IZUMO2: variants seen among roughly 807,000 people sequenced by gnomAD.
The protein encoded by IZUMO2 is izumo sperm-egg fusion protein 2.
Under a neutral mutation model 31.2 loss-of-function variants are expected in IZUMO2, and 24 were observed. That is an observed-to-expected ratio of 0.77 (90% confidence interval 0.56 to 1.08). IZUMO2 has a LOEUF of 1.08. Ranked by LOEUF, IZUMO2 falls within the 50% of genes least tolerant of loss-of-function variation. The pLI is 0.00. For synonymous variants in IZUMO2, 144 were observed against 117.3 expected, an observed-to-expected ratio of 1.23 and a Z score of -1.47; for missense variants, 278 against 274.0, an observed-to-expected ratio of 1.01 and a Z score of -0.10.
rs766330043 is a variant in IZUMO2 at position 50,159,543 on chromosome 19, C to A, written c.345G>T (p.Ala115=). The A allele has an allele frequency of 1.9e-6, 3 of 1,613,488 alleles. No homozygotes were observed. Among genetic ancestry groups the A allele is most frequent in the Non-Finnish European group, 2.5e-6 (3 of 1,179,612 alleles). Residue 115 remains alanine, a synonymous_variant, in exon 3 of 7, where the codon GCG becomes GCT. Transcript: ENST00000293405. ...CTTTCTTGAATTCCTTGATCACATT[C>A]GCCCTGAGGGTCACCAGCTCTTCCA... ...PLLEELVTLR[A]NVIKEFKKVL...
intron 4 of IZUMO2, among the ~76,000 whole-genome samples, chr19:50,158,879 T>G (rs7253240): frequency 2.6e-5 from 4 of 152,170 alleles, no homozygotes; most frequent in African/African-American, 9.6e-5. Context: ...AGCTGCCATG[T>G]GTGTATAGCC....
chr19:50,153,230 C>T (rs2030086283), intron 6 of IZUMO2, among the ~76,000 whole-genome samples: 2 of 152,136 alleles, frequency 1.3e-5, no homozygotes, highest in African/African-American at 4.8e-5. Flanking sequence ...CAGCAGCCAC[C>T]AGCAGCTAGG....
chr19:50,155,758 T>C (rs2030193808), intron 5 of IZUMO2, among the ~76,000 whole-genome samples: 1 of 152,186 alleles, frequency 6.6e-6, no homozygotes, highest in South Asian at 2.1e-4. Context: ...CGGCTCCCTC[T>C]GCTCAGTGTC....
At chr19:50,158,403 A>G (rs1427691434) in intron 4 of IZUMO2, 55 bp from the exon 5 acceptor site, 14 of 1,193,536 alleles carry the variant, frequency 1.2e-5, no homozygotes, top group East Asian at 2.4e-5. Flanking sequence ...AGGACCGGCA[A>G]GGGTGGAAAG....
Position 50,158,321 on chromosome 19 carries a change from C to T in IZUMO2, c.443G>A (p.Cys148Tyr), listed in dbSNP as rs1482924089. 2.5e-6 allele frequency: 4 copies of T among 1,611,506 alleles called. No homozygotes were observed. In the Admixed American group the frequency reaches 6.7e-5, roughly 27 times the overall value. ...GGGAGTGATCCTCTGGCAATGTAAA[C>T]AGTCCAACACCTCTTCTTTTAGCAA... ...CRLLKEEVLD[C>Y]LHCQRITPKC... Residue 148 changes from cysteine (C) to tyrosine (Y), a missense_variant, in exon 5 of 7, where the codon TGT (cysteine) becomes TAT (tyrosine). Cys to Tyr is a radical substitution (Grantham distance 194). Coordinates refer to ENST00000293405, the MANE Select transcript of IZUMO2 (RefSeq NM_152358.3).
chr19:50,159,844 CTCT>C (rs939277558), intron 2 of IZUMO2: 4 of 333,136 alleles, frequency 1.2e-5, no homozygotes, highest in African/African-American at 4.3e-5. Context: ...CTCTCTTCTC[CTCT>C]TCTTTTTTTT....
At chr19:50,153,602 G>A (rs1213724369) in intron 6 of IZUMO2, 2 of 152,202 alleles carry the variant, frequency 1.3e-5, no homozygotes, top group African/African-American at 4.8e-5. Context: ...AGGAGTTTGA[G>A]ACCAGCCTGG....
intron 2 of IZUMO2, among the ~76,000 whole-genome samples, chr19:50,161,530 C>G (rs1376160529): frequency 6.6e-6 from 1 of 152,158 alleles, no homozygotes; most frequent in Non-Finnish European, 1.5e-5. Context: ...ACTCTAAGAT[C>G]TCATCTTCCA....
chr19:50,154,731 G>C lies in IZUMO2; in HGVS notation c.497-5C>G, dbSNP rs750917578. 1 of 1,613,420 alleles carries C rather than the reference G, an allele frequency of 6.2e-7. No homozygotes were observed. The highest frequency in any genetic ancestry group is 1.1e-5 in the South Asian group (1 of 91,062). On this transcript the variant is annotated splice_region_variant and splice_polypyrimidine_tract_variant and intron_variant, in intron 5 of 6. Coordinates refer to ENST00000293405, the MANE Select transcript of IZUMO2 (RefSeq NM_152358.3). ...CCACGCGGGGTTGCCGGTCGACTGG[G>C]GCGGGTGGGGAAACAGCCCCGACCT...
intron 2 of IZUMO2, among the ~76,000 whole-genome samples, chr19:50,161,996 G>A (rs184749680): frequency 6.6e-6 from 1 of 152,222 alleles, no homozygotes; most frequent in East Asian, 1.9e-4. Flanking sequence ...AGAGTATCTT[G>A]GTTTGGCCAG....
intron 4 of IZUMO2, 24 bp from the exon 5 acceptor site, chr19:50,158,372 T>C: frequency 6.6e-7 from 1 of 1,507,780 alleles, no homozygotes; most frequent in Non-Finnish European, 9.2e-7. Context: ...AAGGGAGAAG[T>C]AAGACAAGGG....
In IZUMO2 at chr19:50,162,821, G is replaced by A. The variant is rs779147354; in HGVS notation, c.233-8C>T. The A allele has an allele frequency of 5.0e-6, 8 of 1,613,228 alleles. No individual in the cohort carries two copies. The highest frequency in any genetic ancestry group is 2.7e-5 in the African/African-American group (2 of 75,000). On this transcript the variant is annotated splice_region_variant and splice_polypyrimidine_tract_variant and intron_variant, in intron 1 of 6. Coordinates refer to ENST00000293405, the MANE Select transcript of IZUMO2 (RefSeq NM_152358.3). The stretch of plus-strand genomic sequence containing the variant: ...GGTCCAGTTGATTTGTCTCTGGGGG[G>A]AGAAGGGAGAGGACACTCCAGTGAG...
chr19:50,163,107 C>T lies in IZUMO2; in HGVS notation c.88G>A (p.Glu30Lys). 1 of 1,610,032 alleles carries T rather than the reference C, an allele frequency of 6.2e-7. No homozygotes were observed. Among genetic ancestry groups the T allele is most frequent in the South Asian group, 1.1e-5 (1 of 90,642 alleles). The change falls in exon 1 of 7, where the codon GAG (glutamate) becomes AAG (lysine). Residue 30 changes from glutamate (E) to lysine (K), a missense_variant. Transcript: ENST00000293405. ...GCGGAGCGCAGGTGACCCAGGGCCTCCAGCACCAAGGGGTCGCACTGCAGG... is the reference window on the plus strand; with the variant it reads ...GCGGAGCGCAGGTGACCCAGGGCCTTCAGCACCAAGGGGTCGCACTGCAGG... Reference protein sequence around the residue: ...GCLQCDPLVLEALGHLRSALI... With the variant: ...GCLQCDPLVLKALGHLRSALI...
chr19:50,157,910 T>A (rs1399551348), intron 5 of IZUMO2, among the ~76,000 whole-genome samples: 2,151 of 110,722 alleles, frequency 0.019, 46 homozygotes, highest in African/African-American at 0.059. Flanking sequence ...AGAATCCATA[T>A]AAAAAAAAAA....
intron 2 of IZUMO2, among the ~76,000 whole-genome samples, chr19:50,162,330 A>G (rs1188929061): frequency 6.6e-6 from 1 of 151,988 alleles, no homozygotes; most frequent in East Asian, 1.9e-4. Context: ...GTTTATGACC[A>G]GGTGCAGTGG....
At chr19:50,162,694 G>T in intron 2 of IZUMO2, 45 bp downstream of exon 2, 1 of 1,493,868 alleles carries the variant, frequency 6.7e-7, no homozygotes, top group Non-Finnish European at 9.3e-7. Flanking sequence ...CAGACCGGCG[G>T]AAAGAAGAGG....
At chr19:50,156,246 T>A (rs2123051105) in intron 5 of IZUMO2, among the ~76,000 whole-genome samples, 1 of 152,208 alleles carries the variant, frequency 6.6e-6, no homozygotes, top group Non-Finnish European at 1.5e-5. Context: ...TTTCTGATTG[T>A]CATAATGGGG....
chr19:50,157,925 A>C (rs2030268053), intron 5 of IZUMO2, among the ~76,000 whole-genome samples: 1 of 151,770 alleles, frequency 6.6e-6, no homozygotes, highest in African/African-American at 2.4e-5. Flanking sequence ...AAAAAAAAAA[A>C]AGAATGTATG....
At chr19:50,156,662 T>C (rs114734215) in intron 5 of IZUMO2, among the ~76,000 whole-genome samples, 2,729 of 150,760 alleles carry the variant, frequency 0.018, 72 homozygotes, top group African/African-American at 0.063. Context: ...CAGTGACTCA[T>C]GCCTGTAATC....
Sources: allele counts gnomAD v4.1 joint callset (sites outside exome capture counted in the v4.1 genomes callset), GRCh38; gene constraint gnomAD v4.1.1; transcripts MANE v1.5; gene names NCBI Gene and HGNC (gene_info 2026-07-23, HGNC 2026-07-21).